LMTK2: variants seen among roughly 807,000 people sequenced by gnomAD.
LMTK2 encodes the protein serine/threonine-protein kinase LMTK2.
In LMTK2, 37 loss-of-function variants were observed where a neutral mutation model predicts 127.5. That is an observed-to-expected ratio of 0.29 (90% CI 0.22 to 0.38). The LOEUF is 0.38. LMTK2 is among the 10% of genes least tolerant of loss of function. The probability of loss-of-function intolerance (pLI) is 1.00; values close to 1 mark genes in which losing one functional copy is unlikely to be tolerated. For synonymous variants in LMTK2, 819 were observed against 810.1 expected (o/e 1.01, Z -0.19); for missense variants, 1,694 against 1,920.3 (o/e 0.88, Z 2.20).
intron 6 of LMTK2, among the ~76,000 whole-genome samples, chr7:98,166,939 A>G (rs1357208211): frequency 6.6e-6 from 1 of 152,256 alleles, no homozygotes; most frequent in East Asian, 1.9e-4. Context: ...CATTTACTAT[A>G]CAAAGATAAA....
chr7:98,173,462 T>G (rs984072754), intron 7 of LMTK2, among the ~76,000 whole-genome samples: 3 of 152,190 alleles, frequency 2.0e-5, no homozygotes, highest in Non-Finnish European at 4.4e-5. Context: ...TAATTTATAT[T>G]GTTAATATAT....
intron 6 of LMTK2, among the ~76,000 whole-genome samples, chr7:98,168,420 AGCTGCCCCAGTCT>A (rs1395039123): frequency 1.3e-5 from 2 of 152,256 alleles, no homozygotes; most frequent in African/African-American, 2.4e-5. Context: ...TGGCGGCGTC[AGCTGCCCCAGTCT>A]GCATGTCTTC....
chr7:98,194,691 C>G lies in LMTK2; in HGVS notation c.4107+119C>G, dbSNP rs751281865. ...ATTTTGAGGCAGCAGATTGTGATTA[C>G]TCACAAAAAGTAATTTGGGGTTGGT... On this transcript the variant is annotated intron_variant, in intron 11 of 13. Transcript: ENST00000297293. The surrounding 1 kb of genome is among the most constrained non-coding windows in gnomAD (Gnocchi z 5.4). 1.1e-4 allele frequency: 101 copies of G among 928,484 alleles called. No individual in the cohort carries two copies. The highest frequency in any genetic ancestry group is 3.5e-4 in the Admixed American group (12 of 33,996). 57.5% of individuals were successfully genotyped at this position (928,484 alleles called of 1,614,324 possible). A position where few individuals can be genotyped will look rare whatever the true frequency, so the allele number is the denominator to read the frequency against.
rs146007603 is a variant in LMTK2 at position 98,171,667 on chromosome 7, C to A, written c.784C>A (p.Leu262Met). Residue 262 changes from leucine (L) to methionine (M), a missense_variant, in exon 7 of 14, where the codon CTG (leucine) becomes ATG (methionine). By Grantham distance (15) the Leu-to-Met change is conservative. Transcript: ENST00000297293. This position sits in a 1 kb window ranked among gnomAD's most constrained non-coding sequence, Gnocchi z 5.1. ...GLAAMHKLHF[L>M]HSDLALRNCF... Reference sequence around the variant, plus strand: ...GGCCGCCATGCACAAGCTGCACTTCCTGCACAGGTGGGTACCTGCGTCAGC... The same window carrying A: ...GGCCGCCATGCACAAGCTGCACTTCATGCACAGGTGGGTACCTGCGTCAGC... 1.3e-6 allele frequency: 2 copies of A among 1,588,248 alleles called. No individual in the cohort carries two copies. Among genetic ancestry groups the A allele is most frequent in the African/African-American group, 2.7e-5 (2 of 74,728 alleles).
intron 11 of LMTK2, among the ~76,000 whole-genome samples, chr7:98,203,356 A>C (rs1797735937): frequency 6.6e-6 from 1 of 152,228 alleles, no homozygotes; most frequent in Non-Finnish European, 1.5e-5. Flanking sequence ...CTGCAGCCTC[A>C]GAGGGCTGCT....
chr7:98,133,039 C>T (rs1796545865), intron 1 of LMTK2, among the ~76,000 whole-genome samples: 1 of 152,188 alleles, frequency 6.6e-6, no homozygotes. Context: ...CTTATTGAAT[C>T]AAGTTCTAGG....
Position 98,204,026 on chromosome 7 carries a change from T to A in LMTK2, c.4323T>A (p.Pro1441=), listed in dbSNP as rs1797749111. The A allele has an allele frequency of 6.2e-7, 1 of 1,614,084 alleles. No individual in the cohort carries two copies. The highest frequency in any genetic ancestry group is 1.3e-5 in the African/African-American group (1 of 74,930). The change falls in exon 13 of 14, where the codon CCT becomes CCA. Residue 1441 remains proline, a synonymous_variant. Transcript: ENST00000297293. ...KTTSNLLSSK[P]SLQTSKYFSP... is the part of the protein sequence containing the mutation. ...CAAGTAACCTGCTCAGCTCCAAGCC[T>A]TCTCTCCAAACATCCAAGTACTTTT... is the stretch of plus-strand genomic sequence containing the variant.
intron 3 of LMTK2, among the ~76,000 whole-genome samples, chr7:98,150,632 A>G (rs1456607273): frequency 1.3e-5 from 2 of 152,264 alleles, no homozygotes; most frequent in South Asian, 2.1e-4. Flanking sequence ...TGAATAAGCA[A>G]GCAAGCTGTG....
At chr7:98,162,845 C>A (rs942410267) in intron 6 of LMTK2, among the ~76,000 whole-genome samples, 1 of 152,204 alleles carries the variant, frequency 6.6e-6, no homozygotes, top group Non-Finnish European at 1.5e-5. Context: ...GGGTTATTAT[C>A]GAAACCACTA....
At chr7:98,134,597 T>C (rs1197012117) in intron 1 of LMTK2, among the ~76,000 whole-genome samples, 2 of 151,744 alleles carry the variant, frequency 1.3e-5, no homozygotes, top group African/African-American at 2.4e-5. Flanking sequence ...GGTGGCGCAC[T>C]TGAGCACAGG....
chr7:98,137,052 G>A (rs1796604484), intron 1 of LMTK2, among the ~76,000 whole-genome samples: 2 of 152,170 alleles, frequency 1.3e-5, no homozygotes, highest in Admixed American at 1.3e-4. Flanking sequence ...AGCATACTGT[G>A]GTAATGTACG....
At chr7:98,130,198 C>T (rs12673143) in intron 1 of LMTK2, among the ~76,000 whole-genome samples, 7,838 of 151,756 alleles carry the variant, frequency 0.052, 578 homozygotes, top group East Asian at 0.34. Context: ...GTGATGGAGT[C>T]GGGGCTGGGA....
chr7:98,204,262 T>C (rs1797755456), intron 13 of LMTK2, 76 bp downstream of exon 13: 1 of 1,549,940 alleles, frequency 6.5e-7, no homozygotes, highest in Non-Finnish European at 8.7e-7. Context: ...ATGGTGGTTT[T>C]GCAGGCCTGA....
chr7:98,205,654 C>A lies in LMTK2; in HGVS notation c.*162C>A, dbSNP rs1454699980. The A allele has an allele frequency of 5.4e-6, 4 of 745,574 alleles. No homozygotes were observed. Among genetic ancestry groups the A allele is most frequent in the Non-Finnish European group, 8.8e-6 (4 of 454,324 alleles). 46.2% of individuals were successfully genotyped at this position (745,574 alleles called of 1,614,324 possible). A position where few individuals can be genotyped will look rare whatever the true frequency, so the allele number is the denominator to read the frequency against. On this transcript the variant is annotated 3_prime_UTR_variant, in exon 14 of 14. Coordinates refer to ENST00000297293, the MANE Select transcript of LMTK2 (RefSeq NM_014916.4). ...AGACGGCTCTTAGCTGCGTTCAAGGCGGGGCCCTCGGGAGCCCAGGTGCAG... is the reference window on the plus strand; with the variant it reads ...AGACGGCTCTTAGCTGCGTTCAAGGAGGGGCCCTCGGGAGCCCAGGTGCAG...
At chr7:98,204,434 C>A (rs1435365272) in intron 13 of LMTK2, among the ~76,000 whole-genome samples, 5 of 152,014 alleles carry the variant, frequency 3.3e-5, no homozygotes, top group African/African-American at 9.7e-5. Context: ...CCAGCCTGGG[C>A]AACATAGTGA....
chr7:98,200,131 T>TGG (rs1417286576), intron 11 of LMTK2, among the ~76,000 whole-genome samples: 1 of 152,196 alleles, frequency 6.6e-6, no homozygotes, highest in Non-Finnish European at 1.5e-5. Flanking sequence ...GTGGTTGTTC[T>TGG]GGGGGTTACA....
intron 2 of LMTK2, among the ~76,000 whole-genome samples, chr7:98,138,965 T>A (rs1796637468): frequency 6.6e-6 from 1 of 152,184 alleles, no homozygotes; most frequent in Non-Finnish European, 1.5e-5. Flanking sequence ...TGTGATTTAT[T>A]GGCTTTCTCT....
At position 98,171,417 on chromosome 7, in the gene LMTK2, A is replaced by G; in HGVS notation, c.658-124A>G. The stretch of plus-strand genomic sequence containing the variant: ...CGCAGTATTGGGTTGGAACTTCTTT[A>G]AGTATGAACAAAAGAAGTTTCTAAT... On this transcript the variant is annotated intron_variant, in intron 6 of 13. Coordinates refer to ENST00000297293, the MANE Select transcript of LMTK2 (RefSeq NM_014916.4). The surrounding 1 kb of genome is among the most constrained non-coding windows in gnomAD (Gnocchi z 5.1). 1 of 1,237,484 alleles carries G rather than the reference A, an allele frequency of 8.1e-7. No homozygotes were observed. The allele number at this position is 1,237,484 out of a possible 1,614,324, so 76.7% of individuals were successfully genotyped here.
chr7:98,143,749 T>C (rs940149032), intron 3 of LMTK2, among the ~76,000 whole-genome samples: 1 of 152,200 alleles, frequency 6.6e-6, no homozygotes, highest in African/African-American at 2.4e-5. Context: ...ATGAGACATG[T>C]TGACTCTTGA....
Sources: gnomAD v4.1 joint callset for allele counts (sites outside exome capture counted in the v4.1 genomes callset) on GRCh38, gnomAD v4.1.1 for gene constraint, Gnocchi (gnomAD v3.1) non-coding constraint, MANE v1.5 for transcripts, NCBI Gene and HGNC (gene_info 2026-07-23, HGNC 2026-07-21) for gene names.